SYT1: variants seen among roughly 807,000 people sequenced by gnomAD.
SYT1 encodes synaptotagmin 1.
SYT1 carries 8 observed loss-of-function variants against 44.8 expected under a neutral mutation model. That is an observed-to-expected ratio of 0.18 (90% CI 0.10 to 0.32). The LOEUF is 0.32. Ranked by LOEUF, SYT1 falls within the 10% of genes least tolerant of loss-of-function variation. The pLI, the probability that SYT1 is intolerant of heterozygous loss-of-function variation, is 1.00. For synonymous variants in SYT1, 154 were observed against 188.8 expected, an observed-to-expected ratio of 0.82 and a Z score of 1.51; for missense variants, 286 against 509.3, an observed-to-expected ratio of 0.56 and a Z score of 4.22.
intron 8 of SYT1, among the ~76,000 whole-genome samples, chr12:79,349,216 A>T (rs560020744): frequency 6.6e-6 from 1 of 152,130 alleles, no homozygotes; most frequent in South Asian, 2.1e-4. Flanking sequence ...GAACGATGGA[A>T]GGAAGGATCT....
chr12:79,122,838 C>T (rs754650739), intron 3 of SYT1, among the ~76,000 whole-genome samples: 42 of 152,100 alleles, frequency 2.8e-4, no homozygotes, highest in Non-Finnish European at 5.1e-4. Flanking sequence ...CCCATATTGC[C>T]TAAGCCTCCA....
At chr12:79,383,445 C>G (rs1488918242) in intron 9 of SYT1, among the ~76,000 whole-genome samples, 1 of 152,088 alleles carries the variant, frequency 6.6e-6, no homozygotes, top group Non-Finnish European at 1.5e-5. Context: ...TATTTTCATG[C>G]TGTTCAATAT....
chr12:79,233,538 G>C (rs1875996298), intron 4 of SYT1, among the ~76,000 whole-genome samples: 1 of 152,208 alleles, frequency 6.6e-6, no homozygotes, highest in Non-Finnish European at 1.5e-5. Context: ...CACAACCGTG[G>C]ATATCATTTG....
At chr12:79,101,269 C>T (rs373420914) in intron 3 of SYT1, among the ~76,000 whole-genome samples, 1 of 152,054 alleles carries the variant, frequency 6.6e-6, no homozygotes, top group Non-Finnish European at 1.5e-5. Flanking sequence ...GTGGTATAAC[C>T]GTACAATGGA....
chr12:79,069,973 C>T (rs927758406), intron 3 of SYT1, among the ~76,000 whole-genome samples: 38 of 152,136 alleles, frequency 2.5e-4, no homozygotes, highest in African/African-American at 8.4e-4. Context: ...TAACCTTGAA[C>T]ATAATGCTTT....
chr12:79,350,276 G>T (rs1277278354), intron 8 of SYT1, among the ~76,000 whole-genome samples: 2 of 132,072 alleles, frequency 1.5e-5, no homozygotes, highest in Non-Finnish European at 3.1e-5. Flanking sequence ...TTTTTGAGAC[G>T]GAGTCTCGCT....
intron 4 of SYT1, among the ~76,000 whole-genome samples, chr12:79,224,353 T>A (rs887664902): frequency 1.3e-5 from 2 of 152,040 alleles, no homozygotes; most frequent in Non-Finnish European, 2.9e-5. Flanking sequence ...TAATAAATGA[T>A]GTAAGGAAAA....
intron 2 of SYT1, among the ~76,000 whole-genome samples, chr12:79,013,058 A>C (rs1273385430): frequency 1.3e-5 from 2 of 152,054 alleles, no homozygotes; most frequent in African/African-American, 2.4e-5. Context: ...CGTCTTTCAC[A>C]TGTGAGCTCA....
intron 9 of SYT1, among the ~76,000 whole-genome samples, chr12:79,401,000 G>A (rs1311736941): frequency 6.6e-6 from 1 of 152,128 alleles, no homozygotes; most frequent in Non-Finnish European, 1.5e-5. Flanking sequence ...TGGCTCTATT[G>A]AACAATATGA....
chr12:79,443,980 T>C (rs1870571405), intron 9 of SYT1, 93 bp from the exon 10 acceptor site: 1 of 1,340,796 alleles, frequency 7.5e-7, no homozygotes, highest in Non-Finnish European at 1.0e-6. Context: ...ATATAATTAT[T>C]TACCTGTGGG....
chr12:79,350,348 G>A (rs1427953420), intron 8 of SYT1, among the ~76,000 whole-genome samples: 6 of 150,928 alleles, frequency 4.0e-5, no homozygotes, highest in African/African-American at 1.5e-4. Flanking sequence ...CGCCTCCCGG[G>A]TTCACACCAT....
intron 8 of SYT1, among the ~76,000 whole-genome samples, chr12:79,333,129 C>A (rs549145041): frequency 3.9e-5 from 6 of 152,050 alleles, no homozygotes; most frequent in South Asian, 2.1e-4. Context: ...TCCATTTAGG[C>A]TACTATAACA....
intron 3 of SYT1, among the ~76,000 whole-genome samples, chr12:79,205,928 T>G (rs1357768460): frequency 6.6e-6 from 1 of 152,168 alleles, no homozygotes; most frequent in Non-Finnish European, 1.5e-5. Flanking sequence ...TAAACAATAC[T>G]CATATTTTCT....
chr12:79,261,397 C>T (rs1370831287), intron 4 of SYT1, among the ~76,000 whole-genome samples: 1 of 152,152 alleles, frequency 6.6e-6, no homozygotes, highest in African/African-American at 2.4e-5. Flanking sequence ...CTAGTGGATC[C>T]CATTGTCTAA....
chr12:79,242,809 T>C (rs1876591900), intron 4 of SYT1, among the ~76,000 whole-genome samples: 1 of 152,230 alleles, frequency 6.6e-6, no homozygotes, highest in Admixed American at 6.5e-5. Flanking sequence ...GTATTGCACG[T>C]GTATATAACT....
intron 3 of SYT1, among the ~76,000 whole-genome samples, chr12:79,092,209 G>A (rs1877825706): frequency 6.6e-6 from 1 of 151,768 alleles, no homozygotes; most frequent in Admixed American, 6.6e-5. Flanking sequence ...ATTTTCCAAG[G>A]GGTTTTAATT....
intron 3 of SYT1, among the ~76,000 whole-genome samples, chr12:79,179,126 A>G (rs1872171381): frequency 7.9e-6 from 1 of 127,298 alleles, no homozygotes; most frequent in Non-Finnish European, 1.6e-5. Flanking sequence ...ATATAGATAT[A>G]GATATATAGA....
At chr12:78,991,255 G>A (rs576738765) in intron 2 of SYT1, among the ~76,000 whole-genome samples, 1 of 152,130 alleles carries the variant, frequency 6.6e-6, no homozygotes, top group South Asian at 2.1e-4. Context: ...GTTCTTGCCT[G>A]ACTCTAGGCA....
At chr12:79,378,677 T>C (rs1174982732) in intron 9 of SYT1, among the ~76,000 whole-genome samples, 2 of 152,088 alleles carry the variant, frequency 1.3e-5, no homozygotes, top group Admixed American at 6.5e-5. Context: ...TGACCCCCAG[T>C]GGGGTAAAGG....
Sources: allele counts gnomAD v4.1 joint callset (sites outside exome capture counted in the v4.1 genomes callset), GRCh38; gene constraint gnomAD v4.1.1; transcripts MANE v1.5; gene names NCBI Gene and HGNC (gene_info 2026-07-23, HGNC 2026-07-21).